Variants in LAMB2 observed in about 807,000 individuals in gnomAD.
LAMB2 encodes the protein laminin subunit beta 2.
LAMB2 carries 119 observed loss-of-function variants against 202.7 expected under a neutral mutation model. The observed-to-expected ratio is 0.59, with a 90% confidence interval of 0.51 to 0.68. The LOEUF is 0.68. Among genes scored for constraint, LAMB2 ranks in the 30% least tolerant of loss-of-function variants. LAMB2 has a pLI of 0.00. For synonymous variants in LAMB2, 818 were observed against 902.2 expected, an observed-to-expected ratio of 0.91 and a Z score of 1.67; for missense variants, 2,124 against 2,410.6, an observed-to-expected ratio of 0.88 and a Z score of 2.49.
At position 49,121,118 on chromosome 3, in the gene LAMB2, G is replaced by T; in HGVS notation, c.*108C>A. 3 of 1,324,850 alleles carry T rather than the reference G, an allele frequency of 2.3e-6. No homozygotes were observed. Among genetic ancestry groups the T allele is most frequent in the Non-Finnish European group, 3.2e-6 (3 of 946,356 alleles). The allele number at this position is 1,324,850 out of a possible 1,614,324, so 82.1% of individuals were successfully genotyped here. On this transcript the variant is annotated 3_prime_UTR_variant, in exon 32 of 32. Transcript: ENST00000305544. ...ATCAGAGTCCAGACAACACAGTGGG[G>T]GTTCACACTGGTTTATTGGGGGCCC...
Position 49,130,828 on chromosome 3 carries a change from T to G in LAMB2, c.948A>C (p.Thr316=), listed in dbSNP as rs769984941. ...VHGACICKHN[T]RGLNCEQCQD... is the part of the protein sequence containing the mutation. The stretch of plus-strand genomic sequence containing the variant: ...GACACTGCTCGCAGTTGAGGCCACG[T>G]GTGTTGTGTTTGCAGATGCAAGCTC... Residue 316 remains threonine (T), a synonymous_variant, in exon 8 of 32, where the codon ACA becomes ACC. Coordinates refer to ENST00000305544, the MANE Select transcript of LAMB2 (RefSeq NM_002292.4). This position sits in a 1 kb window ranked among gnomAD's most constrained non-coding sequence, Gnocchi z 5.0. 3.1e-6 allele frequency: 5 copies of G among 1,613,952 alleles called. No individual in the cohort carries two copies. The highest frequency in any genetic ancestry group is 4.2e-6 in the Non-Finnish European group (5 of 1,180,016).
Position 49,121,220 on chromosome 3 carries a change from CA to C in LAMB2, c.*5del. ...GCTAGGAACTGGGGTAGGCCTTGGG[CA>C]GGGGTCACTGGCAGGTGTTGTAGAT... On this transcript the variant is annotated 3_prime_UTR_variant, in exon 32 of 32. Transcript: ENST00000305544. 1 of 1,612,180 alleles carries C rather than the reference CA, an allele frequency of 6.2e-7. No individual in the cohort carries two copies. Among genetic ancestry groups the C allele is most frequent in the Non-Finnish European group, 8.5e-7 (1 of 1,180,006 alleles).
Position 49,129,913 on chromosome 3 carries a change from A to G in LAMB2, c.1331T>C (p.Val444Ala). ...GCATTGCTGGCAGCGAGTGCCCACC[A>G]CATGTTCTTTGCAGCGACACTGGCC... ...VSGQCRCKEH[V>A]VGTRCQQCRD... Residue 444 changes from valine to alanine, a missense_variant, in exon 10 of 32, where the codon GTG becomes GCG. Coordinates refer to ENST00000305544, the MANE Select transcript of LAMB2 (RefSeq NM_002292.4). The surrounding 1 kb of genome is among the most constrained non-coding windows in gnomAD (Gnocchi z 6.1). 1.2e-6 allele frequency: 2 copies of G among 1,613,986 alleles called. No homozygotes were observed. Among genetic ancestry groups the G allele is most frequent in the Non-Finnish European group, 8.5e-7 (1 of 1,180,032 alleles).
Position 49,128,791 on chromosome 3 carries a change from G to C in LAMB2, c.1760C>G (p.Thr587Ser). 6.2e-7 allele frequency: 1 copy of C among 1,613,712 alleles called. No homozygotes were observed. Among genetic ancestry groups the C allele is most frequent in the Non-Finnish European group, 8.5e-7 (1 of 1,179,750 alleles). Residue 587 changes from threonine to serine, a missense_variant, in exon 14 of 32, where the codon ACC becomes AGC. By Grantham distance (58) the Thr-to-Ser change is moderately conservative (BLOSUM62 1). Around this residue, in one of 3 missense-constraint regions of LAMB2, gnomAD observed 1,702 missense variants for 1,896.3 expected, o/e 0.90. Coordinates refer to ENST00000305544, the MANE Select transcript of LAMB2 (RefSeq NM_002292.4). ...QVLDVVERLV[T>S]PGETPSWTGS... ...AGTCCAGGATGGAGTTTCCCCGGGG[G>C]TCACCAGGCGCTCCACCACATCGAG... is the stretch of plus-strand genomic sequence containing the variant.
In LAMB2 at chr3:49,121,702, A is replaced by C; in HGVS notation, c.5082T>G (p.Arg1694=). 6.2e-7 allele frequency: 1 copy of C among 1,614,050 alleles called. No homozygotes were observed. The highest frequency in any genetic ancestry group is 8.5e-7 in the Non-Finnish European group (1 of 1,180,028). The change falls in exon 30 of 32, where the codon CGT becomes CGG. Residue 1694 remains arginine (R), a synonymous_variant. Coordinates refer to ENST00000305544, the MANE Select transcript of LAMB2 (RefSeq NM_002292.4). ...AACCCACCTGCTCAGCCTCCTGGGCACGACCCTGGGCACTGCCTGCCGTTT... is the reference window on the plus strand; with the variant it reads ...AACCCACCTGCTCAGCCTCCTGGGCCCGACCCTGGGCACTGCCTGCCGTTT... The part of the protein sequence containing the change: ...AEETAGSAQG[R]AQEAEQLLRG...
Position 49,123,754 on chromosome 3 carries a change from C to G in LAMB2, c.3771G>C (p.Gln1257His), listed in dbSNP as rs777169019. 3 of 1,613,478 alleles carry G rather than the reference C, an allele frequency of 1.9e-6. No homozygotes were observed. In the Admixed American group the frequency reaches 5.0e-5, roughly 27 times the overall value. ...GCAGCTCCTCTGTGGCCTCCACAAGCTGTGCAGTGGAGGCGGCTGAGGTGT... is the reference window on the plus strand; with the variant it reads ...GCAGCTCCTCTGTGGCCTCCACAAGGTGTGCAGTGGAGGCGGCTGAGGTGT... The part of the protein sequence containing the change: ...ARNTSAASTA[Q>H]LVEATEELRR... The change falls in exon 24 of 32, where the codon CAG becomes CAC. Residue 1257 changes from glutamine to histidine, a missense_variant. By Grantham distance (24) the Gln-to-His change is conservative. Transcript: ENST00000305544.
intron 19 of LAMB2, 38 bp downstream of exon 19, chr3:49,125,215 C>T: frequency 6.2e-7 from 1 of 1,613,590 alleles, no homozygotes; most frequent in Non-Finnish European, 8.5e-7. Flanking sequence ...GGGAAGCCTG[C>T]CCACCAACCA....
In LAMB2 at chr3:49,132,987, C is replaced by G. The variant is rs1428479216; in HGVS notation, c.-120G>C. 3.5e-6 allele frequency: 3 copies of G among 852,028 alleles called. No individual in the cohort carries two copies. The highest frequency in any genetic ancestry group is 5.9e-6 in the Non-Finnish European group (3 of 511,124). 52.8% of individuals were successfully genotyped at this position (852,028 alleles called of 1,614,324 possible). A position where few individuals can be genotyped will look rare whatever the true frequency, so the allele number is the denominator to read the frequency against. On this transcript the variant is annotated 5_prime_UTR_variant, in exon 1 of 32. Coordinates refer to ENST00000305544, the MANE Select transcript of LAMB2 (RefSeq NM_002292.4). This position sits in a 1 kb window ranked among gnomAD's most constrained non-coding sequence, Gnocchi z 4.6. ...TCTTTGGCCTGTTTCCCTCCAGGCC[C>G]TCTGTCAGTTCCCAGGTCTGTCCAG...
chr3:49,124,462 G>A lies in LAMB2; in HGVS notation c.3260C>T (p.Thr1087Ile), dbSNP rs1462518992. The A allele has an allele frequency of 1.2e-6, 2 of 1,613,744 alleles. No individual in the cohort carries two copies. The highest frequency in any genetic ancestry group is 1.7e-5 in the Admixed American group (1 of 60,034). Residue 1087 changes from threonine to isoleucine, a missense_variant, in exon 22 of 32, where the codon ACC becomes ATC. By Grantham distance (89) the Thr-to-Ile change is moderately conservative. Coordinates refer to ENST00000305544, the MANE Select transcript of LAMB2 (RefSeq NM_002292.4). ...DRCAPNFWNLTSGHGCQPCAC... is the reference protein window; with the variant it reads ...DRCAPNFWNLISGHGCQPCAC... ...ACAAGGCTGGCAACCATGGCCACTGGTGAGGTTCCAGAAGTTGGGGGCACA... is the reference window on the plus strand; with the variant it reads ...ACAAGGCTGGCAACCATGGCCACTGATGAGGTTCCAGAAGTTGGGGGCACA...
rs2045415494 is a variant in LAMB2 at position 49,126,397 on chromosome 3, G to T, written c.2119C>A (p.Pro707Thr). The T allele has an allele frequency of 3.1e-6, 5 of 1,614,028 alleles. No homozygotes were observed. The South Asian group carries it at 5.5e-5, about 18-fold the overall frequency. ...ATGAGCAGGCCAGGTCCAGAGTAGG[G>T]AGTCTCAGGCTGGGCACTTCCCCCT... ...RTGGSAQPETPYSGPGLLIDS... is the reference protein window; with the variant it reads ...RTGGSAQPETTYSGPGLLIDS... Residue 707 changes from proline (P) to threonine (T), a missense_variant, in exon 16 of 32, where the codon CCC (proline) becomes ACC (threonine). Pro to Thr is a conservative substitution (Grantham distance 38). This residue lies in a region of LAMB2 where 1,702 missense variants were observed against 1,896.3 expected (regional missense o/e 0.90). Coordinates refer to ENST00000305544, the MANE Select transcript of LAMB2 (RefSeq NM_002292.4).
In LAMB2 at chr3:49,130,134, C is replaced by G; in HGVS notation, c.1225+97G>C. The G allele has an allele frequency of 6.3e-7, 1 of 1,587,186 alleles. No homozygotes were observed. Among genetic ancestry groups the G allele is most frequent in the Non-Finnish European group, 8.6e-7 (1 of 1,157,478 alleles). On this transcript the variant is annotated intron_variant, in intron 9 of 31. Transcript: ENST00000305544. This position sits in a 1 kb window ranked among gnomAD's most constrained non-coding sequence, Gnocchi z 5.0. ...TCCCTGGTCAAGTTCTATCCCAAGC[C>G]CCTAACCCCAATTTCCTGCAATTTA...
In LAMB2 at chr3:49,123,862, C is replaced by T. The variant is rs1417381709; in HGVS notation, c.3663G>A (p.Thr1221=). The stretch of plus-strand genomic sequence containing the variant: ...TGCTCTCAAAGGCACCCAGCACACC[C>T]GTCTGTTGCAACTCCTGCGCCCGCT... ...LEQRAQELQQ[T]GVLGAFESSF... Residue 1221 remains threonine (T), a synonymous_variant, in exon 24 of 32, where the codon ACG becomes ACA. Coordinates refer to ENST00000305544, the MANE Select transcript of LAMB2 (RefSeq NM_002292.4). The T allele has an allele frequency of 1.9e-6, 3 of 1,613,430 alleles. No homozygotes were observed. The highest frequency in any genetic ancestry group is 1.7e-6 in the Non-Finnish European group (2 of 1,179,942).
rs2107645648 is a variant in LAMB2 at position 49,132,514 on chromosome 3, AG to A, written c.225del (p.Tyr76ThrfsTer36). The A allele has an allele frequency of 6.2e-7, 1 of 1,613,870 alleles. No homozygotes were observed. Among genetic ancestry groups the A allele is most frequent in the East Asian group, 2.2e-5 (1 of 44,880 alleles). On this transcript the variant is annotated frameshift_variant, in exon 2 of 32. Coordinates refer to ENST00000305544, the MANE Select transcript of LAMB2 (RefSeq NM_002292.4). LOFTEE classifies it high-confidence loss of function. This position sits in a 1 kb window ranked among gnomAD's most constrained non-coding sequence, Gnocchi z 4.6. ...ACCTGCAGGTGACTGACGATGCAGTAGGGCTGGGGGCCATTCAGGCCACAAG... is the reference window on the plus strand; with the variant it reads ...ACCTGCAGGTGACTGACGATGCAGTAGGCTGGGGGCCATTCAGGCCACAAG... ...SSTCGLNGPQ[P>X]YCIVSHLQDE...
Position 49,122,258 on chromosome 3 carries a change from T to C in LAMB2, c.4686A>G (p.Arg1562=). Residue 1562 remains arginine (R), a synonymous_variant, in exon 28 of 32, where the codon CGA becomes CGG. Coordinates refer to ENST00000305544, the MANE Select transcript of LAMB2 (RefSeq NM_002292.4). ...CATCCACATCTGCCAGGCTCCGGACTCGCTCTGCAATCGCACCCGCCAGGT... is the reference window on the plus strand; with the variant it reads ...CATCCACATCTGCCAGGCTCCGGACCCGCTCTGCAATCGCACCCGCCAGGT... ...IQHLAGAIAE[R]VRSLADVDAI... is the part of the protein sequence containing the mutation. The C allele has an allele frequency of 1.2e-6, 2 of 1,613,508 alleles. No individual in the cohort carries two copies. The highest frequency in any genetic ancestry group is 1.7e-6 in the Non-Finnish European group (2 of 1,180,044).
Position 49,129,238 on chromosome 3 carries a change from C to A in LAMB2, c.1598+7G>T. ...ATCCCTTCCCAGGCCCCCTTTACAACACTTACTGGGGATCCAAAGCACCAC... is the reference window on the plus strand; with the variant it reads ...ATCCCTTCCCAGGCCCCCTTTACAAAACTTACTGGGGATCCAAAGCACCAC... On this transcript the variant is annotated splice_region_variant and intron_variant, in intron 12 of 31. Transcript: ENST00000305544. The surrounding 1 kb of genome is among the most constrained non-coding windows in gnomAD (Gnocchi z 6.1). 4 of 1,614,144 alleles carry A rather than the reference C, an allele frequency of 2.5e-6. No homozygotes were observed. The highest frequency in any genetic ancestry group is 3.4e-6 in the Non-Finnish European group (4 of 1,180,024).
At position 49,124,023 on chromosome 3, in the gene LAMB2, C is replaced by T. The variant is rs2045382734; in HGVS notation, c.3502G>A (p.Val1168Met). ...FTGHCSCRPG[V>M]SGVRCDQCAR... ...CACTGGTCACAGCGCACACCAGACA[C>T]CCCTGGGCGGCAGCTGCAGTGACCT... The change falls in exon 24 of 32, where the codon GTG becomes ATG. Residue 1168 changes from valine to methionine, a missense_variant. Coordinates refer to ENST00000305544, the MANE Select transcript of LAMB2 (RefSeq NM_002292.4). 3 of 1,613,596 alleles carry T rather than the reference C, an allele frequency of 1.9e-6. No homozygotes were observed. In the African/African-American group the frequency reaches 4.0e-5, roughly 21 times the overall value.
In LAMB2 at chr3:49,122,202, C is replaced by T. The variant is rs149601073; in HGVS notation, c.4742G>A (p.Arg1581His). Residue 1581 changes from arginine (R) to histidine (H), a missense_variant, in exon 28 of 32, where the codon CGT (arginine) becomes CAT (histidine). By Grantham distance (29) the Arg-to-His change is conservative. Coordinates refer to ENST00000305544, the MANE Select transcript of LAMB2 (RefSeq NM_002292.4). ...ATCCTGCAGTAGCTGCTCGGCACGA[C>T]GCACATCTCCTACAGTACGTGCCAG... Reference protein sequence around the residue: ...AILARTVGDVRRAEQLLQDAR... With the variant: ...AILARTVGDVHRAEQLLQDAR... 124 of 1,613,386 alleles carry T rather than the reference C, an allele frequency of 7.7e-5. No individual in the cohort carries two copies. The highest frequency in any genetic ancestry group is 1.0e-4 in the Non-Finnish European group (118 of 1,180,046).
At chr3:49,122,561 GC>G in intron 27 of LAMB2, 142 bp downstream of exon 27, 1 of 931,386 alleles carries the variant, frequency 1.1e-6, no homozygotes, top group Non-Finnish European at 1.8e-6. Context: ...CCACATATGG[GC>G]AATAACTCAG....
rs374187759 is a variant in LAMB2 at position 49,122,203 on chromosome 3, G to A, written c.4741C>T (p.Arg1581Cys). 8 of 1,613,460 alleles carry A rather than the reference G, an allele frequency of 5.0e-6. No individual in the cohort carries two copies. The highest frequency in any genetic ancestry group is 1.7e-5 in the Admixed American group (1 of 60,030). ...TCCTGCAGTAGCTGCTCGGCACGAC[G>A]CACATCTCCTACAGTACGTGCCAGG... is the stretch of plus-strand genomic sequence containing the variant. ...AILARTVGDV[R>C]RAEQLLQDAR... The change falls in exon 28 of 32, where the codon CGT becomes TGT. Residue 1581 changes from arginine to cysteine, a missense_variant. Arg to Cys is a radical substitution (Grantham distance 180, BLOSUM62 -3). Around this residue, in one of 3 missense-constraint regions of LAMB2, gnomAD observed 1,702 missense variants for 1,896.3 expected, o/e 0.90. Coordinates refer to ENST00000305544, the MANE Select transcript of LAMB2 (RefSeq NM_002292.4).
Sources: allele counts gnomAD v4.1 joint callset, GRCh38; gene constraint gnomAD v4.1.1; regional missense constraint gnomAD v4.1.1; non-coding constraint Gnocchi (gnomAD v3.1); transcripts MANE v1.5; gene names NCBI Gene and HGNC (gene_info 2026-07-23, HGNC 2026-07-21).